Variants in NPAS3 observed in about 807,000 individuals in gnomAD.
The protein encoded by NPAS3 is neuronal PAS domain-containing protein 3.
In NPAS3, 14 loss-of-function variants were observed where a neutral mutation model predicts 73.1. The ratio of observed to expected loss-of-function variants is 0.19; its 90% confidence interval spans 0.13 to 0.30. The LOEUF is 0.30. Ranked by LOEUF, NPAS3 falls within the 10% of genes least tolerant of loss-of-function variation. NPAS3 has a pLI of 1.00. For synonymous variants in NPAS3, 620 were observed against 541.5 expected, an observed-to-expected ratio of 1.14 and a Z score of -2.01; for missense variants, 1,096 against 1,250.0, an observed-to-expected ratio of 0.88 and a Z score of 1.86.
At chr14:33,353,000 T>C (rs2140354689) in intron 3 of NPAS3, among the ~76,000 whole-genome samples, 1 of 152,138 alleles carries the variant, frequency 6.6e-6, no homozygotes, top group Middle Eastern at 3.4e-3. Context: ...AGAGGAGAGC[T>C]AAGGGGAGCA....
chr14:32,947,016 A>G (rs570132776), intron 1 of NPAS3, among the ~76,000 whole-genome samples: 1 of 152,310 alleles, frequency 6.6e-6, no homozygotes, highest in Non-Finnish European at 1.5e-5. Context: ...TCTTAATTGC[A>G]TATTTTGGAA....
intron 2 of NPAS3, among the ~76,000 whole-genome samples, chr14:33,159,196 C>A (rs1334360726): frequency 6.6e-6 from 1 of 151,982 alleles, no homozygotes; most frequent in Non-Finnish European, 1.5e-5. Flanking sequence ...AAATTAAAAA[C>A]CAAAATATTA....
At chr14:33,138,421 G>A (rs2043921008) in intron 2 of NPAS3, among the ~76,000 whole-genome samples, 2 of 152,084 alleles carry the variant, frequency 1.3e-5, no homozygotes, top group Non-Finnish European at 2.9e-5. Context: ...TATAAGCTAA[G>A]CATAAAACTT....
chr14:33,060,027 C>T (rs977605646), intron 2 of NPAS3, among the ~76,000 whole-genome samples: 2 of 152,194 alleles, frequency 1.3e-5, no homozygotes, highest in Admixed American at 6.5e-5. Flanking sequence ...AAGCCATCCT[C>T]CCACCTCAGC....
intron 4 of NPAS3, among the ~76,000 whole-genome samples, chr14:33,482,089 T>A: frequency 6.8e-6 from 1 of 147,530 alleles, no homozygotes; most frequent in African/African-American, 2.5e-5. Flanking sequence ...CCGTGCAACC[T>A]CACAAATGAT....
chr14:33,787,082 A>T (rs954320380), intron 9 of NPAS3, among the ~76,000 whole-genome samples: 3 of 152,144 alleles, frequency 2.0e-5, no homozygotes, highest in Admixed American at 1.3e-4. Context: ...CCTAAAAAAA[A>T]TACTCTATCC....
chr14:33,488,843 GA>G (rs1319759420), intron 4 of NPAS3, among the ~76,000 whole-genome samples: 1 of 152,166 alleles, frequency 6.6e-6, no homozygotes, highest in Non-Finnish European at 1.5e-5. Flanking sequence ...TATATCTATT[GA>G]AGGAGTGTTT....
At chr14:33,608,691 T>C (rs1236407645) in intron 5 of NPAS3, 1 of 152,304 alleles carries the variant, frequency 6.6e-6, no homozygotes, top group African/African-American at 2.4e-5. Context: ...GTTTATTAAA[T>C]AGGTAAATTC....
At chr14:32,938,019 G>A (rs1468355437), upstream of NPAS3, among the ~76,000 whole-genome samples, 2 of 152,192 alleles carry the variant, frequency 1.3e-5, no homozygotes, top group East Asian at 3.9e-4. Flanking sequence ...AGATCCCAGA[G>A]GGTGGCAGTC....
In NPAS3 at chr14:33,277,234, G is replaced by C. The variant is rs1343108476; in HGVS notation, c.385+61808G>C. Among the ~76,000 whole-genome samples, 3 of 152,198 alleles carry C rather than the reference G, an allele frequency of 2.0e-5. No homozygotes were observed. In the South Asian group the frequency reaches 6.2e-4, roughly 31 times the overall value. On this transcript the variant is annotated intron_variant, in intron 3 of 11. Coordinates refer to ENST00000356141, the Ensembl canonical transcript of NPAS3. ...TGATTCCCAGCAGATATGCTCAAGT[G>C]TGGAGGCAGTGTGGTCAAATGGAGG...
chr14:32,989,700 A>G (rs1046637047), intron 1 of NPAS3, among the ~76,000 whole-genome samples: 1 of 152,186 alleles, frequency 6.6e-6, no homozygotes, highest in Non-Finnish European at 1.5e-5. Context: ...CTTGTATTCT[A>G]TGCAATGAAT....
chr14:33,070,106 G>C (rs56368930), intron 2 of NPAS3, among the ~76,000 whole-genome samples: 1,638 of 152,154 alleles, frequency 0.011, 19 homozygotes, highest in Non-Finnish European at 0.019. Flanking sequence ...ATTAAAATGA[G>C]AAAAATAATT....
chr14:33,799,134 G>A (rs2063603649), intron 11 of NPAS3, among the ~76,000 whole-genome samples: 1 of 152,116 alleles, frequency 6.6e-6, no homozygotes, highest in African/African-American at 2.4e-5. Flanking sequence ...GACAGAGGGA[G>A]ACCCTGCCAA....
chr14:33,466,585 G>C (rs1347295474), intron 4 of NPAS3, among the ~76,000 whole-genome samples: 1 of 152,164 alleles, frequency 6.6e-6, no homozygotes, highest in Non-Finnish European at 1.5e-5. Context: ...AATTTATAAA[G>C]AGAATAGGTT....
rs371343754 is a variant in NPAS3, at chr14:33,495,947, A to G, written c.469-64174A>G. On this transcript the variant is annotated intron_variant, in intron 4 of 11. Transcript: ENST00000356141. ...TTGAAAAGATTAACAAAATAGATAGACTGCTAGCCAGACTAATAAAGAAGA... is the reference window on the plus strand; with the variant it reads ...TTGAAAAGATTAACAAAATAGATAGGCTGCTAGCCAGACTAATAAAGAAGA... Among the ~76,000 whole-genome samples the G allele has an allele frequency of 2.0e-5, 3 of 152,234 alleles. No homozygotes were observed. In the South Asian group the frequency reaches 6.2e-4, roughly 32 times the overall value.
At chr14:33,647,277 TCTCTC>T (rs2058858261) in intron 5 of NPAS3, among the ~76,000 whole-genome samples, 2 of 150,908 alleles carry the variant, frequency 1.3e-5, no homozygotes, top group African/African-American at 4.9e-5. Flanking sequence ...TTACTCTCTC[TCTCTC>T]TCTCTCTCTA....
rs976782813 is a variant in NPAS3, at chr14:33,147,736, T to A, written c.141-67446T>A. Among the ~76,000 whole-genome samples, 1,060 of 115,362 alleles carry A rather than the reference T, an allele frequency of 9.2e-3. 13 individuals carry two copies. The highest frequency in any genetic ancestry group is 0.015 in the Non-Finnish European group (772 of 51,260). 75.7% of individuals were successfully genotyped at this position (115,362 alleles called of 152,430 possible). A position where few individuals can be genotyped will look rare whatever the true frequency, so the allele number is the denominator to read the frequency against. ...AACTTAAAGTAGAATAAAAAATATA[T>A]ATATATATATATATATATACACACA... is the stretch of plus-strand genomic sequence containing the variant. On this transcript the variant is annotated intron_variant, in intron 2 of 11. Coordinates refer to ENST00000356141, the Ensembl canonical transcript of NPAS3.
chr14:33,032,146 G>C (rs537596605), intron 1 of NPAS3, among the ~76,000 whole-genome samples: 2 of 152,288 alleles, frequency 1.3e-5, no homozygotes, highest in African/African-American at 4.8e-5. Flanking sequence ...GACTGCTCAT[G>C]GTGACCAGAA....
intron 4 of NPAS3, among the ~76,000 whole-genome samples, chr14:33,519,561 C>T (rs1181742640): frequency 2.0e-5 from 3 of 152,060 alleles, no homozygotes; most frequent in African/African-American, 4.8e-5. Flanking sequence ...ATTTGTGTAA[C>T]GTGGGACAGA....
Sources: gnomAD v4.1 joint callset for allele counts (sites outside exome capture counted in the v4.1 genomes callset) on GRCh38, gnomAD v4.1.1 for gene constraint, MANE v1.5 for transcripts, NCBI Gene and HGNC (gene_info 2026-07-23, HGNC 2026-07-21) for gene names.